Variants in HP1BP3 observed in about 807,000 individuals in gnomAD.
HP1BP3 encodes heterochromatin protein 1 binding protein 3, also known as heterochromatin protein 1-binding protein 3.
Under a neutral mutation model 62.5 loss-of-function variants are expected in HP1BP3, and 12 were observed. The observed-to-expected ratio is 0.19, with a 90% CI of 0.12 to 0.31. The LOEUF is 0.31. Ranked by LOEUF, HP1BP3 falls within the 10% of genes least tolerant of loss-of-function variation. The pLI, the probability that HP1BP3 is intolerant of heterozygous loss-of-function variation, is 1.00. For missense variants in HP1BP3, 502 were observed against 651.8 expected, an observed-to-expected ratio of 0.77 and a Z score of 2.50; for synonymous variants, 260 against 237.8, an observed-to-expected ratio of 1.09 and a Z score of -0.86.
chr1:20,780,570 A>AT, intron 1 of HP1BP3, 30 bp from the exon 2 acceptor site: 1 of 642,612 alleles, frequency 1.6e-6, no homozygotes, highest in Non-Finnish European at 2.8e-6. Context: ...TGGTGTGAAG[A>AT]TTAACAGAAA....
intron 7 of HP1BP3, among the ~76,000 whole-genome samples, chr1:20,766,647 G>A (rs1166337298): frequency 1.3e-5 from 2 of 152,162 alleles, no homozygotes; most frequent in Middle Eastern, 3.2e-3. Context: ...TGGTAAAAAT[G>A]TACTTTTAGG....
chr1:20,755,517 G>A, intron 9 of HP1BP3: 1 of 344,100 alleles, frequency 2.9e-6, no homozygotes, highest in South Asian at 2.1e-5. Context: ...GGAGGTTGCA[G>A]TGAGCCAAGA....
At chr1:20,771,152 G>A in intron 5 of HP1BP3, 79 bp from the exon 6 acceptor site, 3 of 1,251,854 alleles carry the variant, frequency 2.4e-6, no homozygotes, top group Non-Finnish European at 3.4e-6. Context: ...AATTATTTTG[G>A]AAGTGAATTT....
At position 20,744,758 on chromosome 1, in the gene HP1BP3, T is replaced by C; in HGVS notation, c.*39A>G. 5.9e-6 allele frequency: 9 copies of C among 1,528,882 alleles called. No homozygotes were observed. Among genetic ancestry groups the C allele is most frequent in the Non-Finnish European group, 8.0e-6 (9 of 1,130,816 alleles). The allele number at this position is 1,528,882 out of a possible 1,614,324, so 94.7% of individuals were successfully genotyped here. On this transcript the variant is annotated 3_prime_UTR_variant, in exon 13 of 13. Transcript: ENST00000438032. ...TGCACACTGACCTTAGAAAATAAGA[T>C]TTTGAATTTCATCATGATACCCTTT...
intron 4 of HP1BP3, chr1:20,776,101 C>G: frequency 9.2e-7 from 1 of 1,082,724 alleles, no homozygotes; most frequent in Non-Finnish European, 1.3e-6. Context: ...TTCAGATTCT[C>G]AAAGCCAATT....
chr1:20,777,531 C>G (rs2057357023), intron 3 of HP1BP3, among the ~76,000 whole-genome samples: 1 of 151,948 alleles, frequency 6.6e-6, no homozygotes, highest in Admixed American at 6.6e-5. Context: ...AATCTTGGCT[C>G]ACTGCAACTT....
intron 9 of HP1BP3, among the ~76,000 whole-genome samples, chr1:20,755,776 G>A (rs149414169): frequency 4.5e-4 from 68 of 152,266 alleles, no homozygotes; most frequent in African/African-American, 1.6e-3. Flanking sequence ...TAAACAAAAT[G>A]TGACATCCAT....
intron 8 of HP1BP3, among the ~76,000 whole-genome samples, chr1:20,759,535 GAGA>G (rs1201547462): frequency 2.0e-5 from 3 of 152,214 alleles, no homozygotes; most frequent in Non-Finnish European, 4.4e-5. Flanking sequence ...AGGATACAAT[GAGA>G]AGAAGGCACT....
intron 8 of HP1BP3, among the ~76,000 whole-genome samples, chr1:20,761,515 G>A (rs994374016): frequency 1.5e-5 from 2 of 131,158 alleles, no homozygotes; most frequent in Admixed American, 8.5e-5. Context: ...GGGATTTTTG[G>A]GGGGAGAGGG....
intron 3 of HP1BP3, 78 bp downstream of exon 3, chr1:20,779,734 G>C: frequency 3.0e-6 from 2 of 672,658 alleles, no homozygotes; most frequent in Non-Finnish European, 4.7e-6. Flanking sequence ...AAACAATTAA[G>C]TTCAAAGGAA....
intron 9 of HP1BP3, chr1:20,750,098 C>T (rs1365339423): frequency 4.6e-6 from 4 of 873,580 alleles, no homozygotes; most frequent in Non-Finnish European, 6.4e-6. Context: ...CTCCTTCCAT[C>T]TACCCTCCAT....
intron 11 of HP1BP3, 45 bp from the exon 12 acceptor site, chr1:20,745,701 C>A: frequency 6.2e-7 from 1 of 1,601,554 alleles, no homozygotes; most frequent in South Asian, 1.1e-5. Context: ...CCATATAAAA[C>A]AAGAAAAATA....
At chr1:20,751,297 A>G (rs969190407) in intron 9 of HP1BP3, among the ~76,000 whole-genome samples, 2 of 145,096 alleles carry the variant, frequency 1.4e-5, no homozygotes, top group African/African-American at 5.0e-5. Flanking sequence ...GTTTTTTATG[A>G]TTTTTTTTTT....
chr1:20,745,053 G>C lies in HP1BP3; in HGVS notation c.1406C>G (p.Ala469Gly), dbSNP rs938781681. The change falls in exon 13 of 13, where the codon GCC (alanine) becomes GGC (glycine). Residue 469 changes from alanine to glycine, a missense_variant. By Grantham distance (60) the Ala-to-Gly change is moderately conservative. Around this residue, in one of 5 missense-constraint regions of HP1BP3, gnomAD observed 194 missense variants for 207.0 expected, o/e 0.94. Transcript: ENST00000438032. ...KKTPAKSPGK[A>G]ASVKQRGSKP... ...GGACCCTCTCTGCTTCACAGATGCG[G>C]CCTTCCCTGGGGACTTGGCTGGGGT... The C allele has an allele frequency of 6.2e-7, 1 of 1,613,218 alleles. No homozygotes were observed. Among genetic ancestry groups the C allele is most frequent in the African/African-American group, 1.3e-5 (1 of 74,864 alleles).
intron 12 of HP1BP3, 123 bp from the exon 13 acceptor site, chr1:20,745,214 T>C (rs2055238672): frequency 2.7e-6 from 3 of 1,122,088 alleles, no homozygotes; most frequent in African/African-American, 1.6e-5. Flanking sequence ...AGAATAGGAA[T>C]GTGACAATTT....
At chr1:20,782,293 T>G (rs1286801217) in intron 1 of HP1BP3, among the ~76,000 whole-genome samples, 2 of 151,818 alleles carry the variant, frequency 1.3e-5, no homozygotes, top group Non-Finnish European at 2.9e-5. Context: ...AAATTAAAAT[T>G]TAAAAACAGG....
At position 20,745,072 on chromosome 1, in the gene HP1BP3, C is replaced by G; in HGVS notation, c.1387G>C (p.Ala463Pro). 6.2e-7 allele frequency: 1 copy of G among 1,608,882 alleles called. No homozygotes were observed. Among genetic ancestry groups the G allele is most frequent in the Non-Finnish European group, 8.5e-7 (1 of 1,178,418 alleles). The change falls in exon 13 of 13, where the codon GCC becomes CCC. Residue 463 changes from alanine (A) to proline (P), a missense_variant. Around this residue, in one of 5 missense-constraint regions of HP1BP3, gnomAD observed 194 missense variants for 207.0 expected, o/e 0.94. Transcript: ENST00000438032. ...GATGCGGCCTTCCCTGGGGACTTGGCTGGGGTTTTCTTCTGCAACCTGTGA... is the reference window on the plus strand; with the variant it reads ...GATGCGGCCTTCCCTGGGGACTTGGGTGGGGTTTTCTTCTGCAACCTGTGA... ...PKRRLQKKTP[A>P]KSPGKAASVK...
At chr1:20,760,375 T>C (rs1485288733) in intron 8 of HP1BP3, among the ~76,000 whole-genome samples, 1 of 151,936 alleles carries the variant, frequency 6.6e-6, no homozygotes, top group Non-Finnish European at 1.5e-5. Context: ...CTGTCTCTAT[T>C]AACAATTTAA....
chr1:20,782,446 G>A (rs1379081582), intron 1 of HP1BP3, among the ~76,000 whole-genome samples: 7 of 151,926 alleles, frequency 4.6e-5, no homozygotes. Context: ...AGCTGGGAAT[G>A]GTGGCATGCG....
Sources: gnomAD v4.1 joint callset for allele counts (sites outside exome capture counted in the v4.1 genomes callset) on GRCh38, gnomAD v4.1.1 for gene constraint, gnomAD v4.1.1 regional missense constraint, MANE v1.5 for transcripts, NCBI Gene and HGNC (gene_info 2026-07-23, HGNC 2026-07-21) for gene names.